Variants in UPF2 observed in about 807,000 individuals in gnomAD.
The protein encoded by UPF2 is regulator of nonsense transcripts 2.
Under a neutral mutation model 141.4 loss-of-function variants are expected in UPF2, and 17 were observed. The ratio of observed to expected loss-of-function variants is 0.12; its 90% confidence interval spans 0.08 to 0.18. UPF2 has a LOEUF of 0.18. UPF2 is among the 10% of genes least tolerant of loss of function. The probability of loss-of-function intolerance (pLI) is 1.00; values close to 1 mark genes in which losing one functional copy is unlikely to be tolerated. For missense variants in UPF2, 1,152 were observed against 1,515.9 expected, an observed-to-expected ratio of 0.76 and a Z score of 3.99; for synonymous variants, 540 against 498.0, an observed-to-expected ratio of 1.08 and a Z score of -1.12.
intron 9 of UPF2, among the ~76,000 whole-genome samples, chr10:11,975,882 A>G (rs1012080829): frequency 2.6e-5 from 4 of 152,142 alleles, no homozygotes; most frequent in Non-Finnish European, 4.4e-5. Flanking sequence ...TGATTAGATG[A>G]CCATTTTATT....
intron 21 of UPF2, among the ~76,000 whole-genome samples, chr10:11,922,545 G>A (rs1014286350): frequency 6.6e-6 from 1 of 152,072 alleles, no homozygotes; most frequent in Non-Finnish European, 1.5e-5. Flanking sequence ...GTAAATGACA[G>A]GAAAAAAATG....
At chr10:12,027,346 C>T (rs545741423) in intron 3 of UPF2, among the ~76,000 whole-genome samples, 1 of 152,374 alleles carries the variant, frequency 6.6e-6, no homozygotes, top group African/African-American at 2.4e-5. Context: ...AATACACACA[C>T]ATACACCCTC....
At chr10:11,997,535 A>G (rs1337957880) in intron 8 of UPF2, 137 bp downstream of exon 8, 4 of 638,144 alleles carry the variant, frequency 6.3e-6, no homozygotes, top group Non-Finnish European at 7.4e-6. Context: ...CAAGTTCTAA[A>G]AAATATGCTA....
chr10:12,024,259 G>T (rs1033065658), intron 3 of UPF2, among the ~76,000 whole-genome samples: 10 of 149,840 alleles, frequency 6.7e-5, no homozygotes, highest in Non-Finnish European at 1.3e-4. Context: ...GGAGTTCGAG[G>T]CCAGCCTGGA....
At chr10:11,970,062 T>C (rs1030895682) in intron 9 of UPF2, among the ~76,000 whole-genome samples, 2 of 152,208 alleles carry the variant, frequency 1.3e-5, no homozygotes, top group African/African-American at 2.4e-5. Flanking sequence ...GTTCTAGAGT[T>C]AGAATGTCTG....
intron 10 of UPF2, among the ~76,000 whole-genome samples, chr10:11,964,646 A>C (rs986703346): frequency 5.3e-5 from 8 of 152,200 alleles, no homozygotes; most frequent in Non-Finnish European, 8.8e-5. Context: ...CTTACTAGGA[A>C]AAATTTTTTG....
intron 8 of UPF2, among the ~76,000 whole-genome samples, chr10:11,994,795 T>C (rs998839713): frequency 2.0e-5 from 3 of 151,418 alleles, no homozygotes; most frequent in Admixed American, 1.3e-4. Flanking sequence ...GCTAACACAA[T>C]AAAACCCCAT....
At chr10:11,941,462 A>G (rs752738275) in intron 18 of UPF2, among the ~76,000 whole-genome samples, 3 of 152,238 alleles carry the variant, frequency 2.0e-5, no homozygotes, top group Non-Finnish European at 4.4e-5. Context: ...GTACTTGATC[A>G]TACCTTTGGC....
intron 14 of UPF2, among the ~76,000 whole-genome samples, chr10:11,952,529 C>T (rs1833089934): frequency 7.6e-6 from 1 of 132,442 alleles, no homozygotes; most frequent in Admixed American, 9.5e-5. Context: ...GTCTGGAGTG[C>T]AGTGGCGCCA....
chr10:12,031,186 AAAAAC>A (rs1834517774), intron 2 of UPF2, among the ~76,000 whole-genome samples: 1 of 151,492 alleles, frequency 6.6e-6, no homozygotes, highest in Non-Finnish European at 1.5e-5. Flanking sequence ...AAAAAAAAAA[AAAAAC>A]AAAACAGTTT....
intron 18 of UPF2, among the ~76,000 whole-genome samples, chr10:11,938,842 G>GTTTTTTCTTTTTTT (rs1832887044): frequency 2.2e-5 from 1 of 45,862 alleles, no homozygotes; most frequent in African/African-American, 7.0e-5. Flanking sequence ...TCTTAAGCAA[G>GTTTTTTCTTTTTTT]TTTTTTTTTT....
intron 8 of UPF2, among the ~76,000 whole-genome samples, chr10:11,984,508 A>G (rs1833654239): frequency 6.6e-6 from 1 of 152,116 alleles, no homozygotes; most frequent in East Asian, 1.9e-4. Context: ...GTATTTTTCA[A>G]CAAAGTTTGT....
intron 9 of UPF2, among the ~76,000 whole-genome samples, chr10:11,972,937 T>G (rs1588545558): frequency 6.6e-6 from 1 of 152,236 alleles, no homozygotes. Context: ...TTTCCAGTTC[T>G]AGATCCTTGA....
In UPF2 at chr10:11,956,602, G is replaced by A. The variant is rs894199565; in HGVS notation, c.2371-79C>T. The A allele has an allele frequency of 1.1e-5, 15 of 1,338,534 alleles. No individual in the cohort carries two copies. Among genetic ancestry groups the A allele is most frequent in the Non-Finnish European group, 1.6e-5 (15 of 963,050 alleles). 82.9% of individuals were successfully genotyped at this position (1,338,534 alleles called of 1,614,324 possible). ...CCAAATAATACAGAAATTTTGCTATGATTGCGCAGAGAACTTTTGAAATAG... is the reference window on the plus strand; with the variant it reads ...CCAAATAATACAGAAATTTTGCTATAATTGCGCAGAGAACTTTTGAAATAG... On this transcript the variant is annotated intron_variant, in intron 12 of 21. Coordinates refer to ENST00000357604, the MANE Select transcript of UPF2 (RefSeq NM_015542.4). The surrounding 1 kb of genome is among the most constrained non-coding windows in gnomAD (Gnocchi z 4.2).
chr10:11,928,128 G>C (rs1832735352), intron 21 of UPF2, among the ~76,000 whole-genome samples: 2 of 152,168 alleles, frequency 1.3e-5, no homozygotes, highest in Admixed American at 1.3e-4. Flanking sequence ...CTGAGGTTAG[G>C]AGTTCGAGAC....
intron 3 of UPF2, among the ~76,000 whole-genome samples, chr10:12,017,864 G>C (rs1291897090): frequency 6.6e-6 from 1 of 152,052 alleles, no homozygotes; most frequent in Non-Finnish European, 1.5e-5. Context: ...TCTACGTTAG[G>C]TATTTCTCCT....
chr10:11,943,011 T>A (rs1832955180), intron 17 of UPF2, 53 bp downstream of exon 17: 1 of 1,302,948 alleles, frequency 7.7e-7, no homozygotes, highest in Non-Finnish European at 1.1e-6. Flanking sequence ...AAAATTCAAA[T>A]ACTATAAAAA....
At chr10:11,937,962 T>C (rs1048632412) in intron 18 of UPF2, among the ~76,000 whole-genome samples, 2 of 152,164 alleles carry the variant, frequency 1.3e-5, no homozygotes, top group Admixed American at 1.3e-4. Flanking sequence ...ATTCTTTTCA[T>C]AAAATATTTA....
Position 11,936,778 on chromosome 10 carries a change from T to TTG in UPF2, c.3379-68_3379-67dup. The TTG allele has an allele frequency of 1.4e-6, 2 of 1,437,150 alleles. No homozygotes were observed. Among genetic ancestry groups the TTG allele is most frequent in the Non-Finnish European group, 1.8e-6 (2 of 1,081,802 alleles). The allele number at this position is 1,437,150 out of a possible 1,614,324, so 89.0% of individuals were successfully genotyped here. ...ATATACGGATATATGTCAATATAAA[T>TTG]TGCAAACTCATTCAATGCTGTATTT... On this transcript the variant is annotated intron_variant, in intron 18 of 21. Transcript: ENST00000357604. This position sits in a 1 kb window ranked among gnomAD's most constrained non-coding sequence, Gnocchi z 6.6.
Sources: allele counts gnomAD v4.1 joint callset (sites outside exome capture counted in the v4.1 genomes callset), GRCh38; gene constraint gnomAD v4.1.1; non-coding constraint Gnocchi (gnomAD v3.1); transcripts MANE v1.5; gene names NCBI Gene and HGNC (gene_info 2026-07-23, HGNC 2026-07-21).